USP32: variants seen among roughly 807,000 people sequenced by gnomAD.
USP32 encodes ubiquitin specific peptidase 32.
A neutral mutation model predicts 204.8 loss-of-function variants in USP32; 59 were observed. That is an observed-to-expected ratio of 0.29 (90% CI 0.23 to 0.36). The LOEUF (loss-of-function observed/expected upper bound fraction) is 0.36. Among genes scored for constraint, USP32 ranks in the 10% least tolerant of loss-of-function variants. The pLI is 1.00. For missense variants in USP32, 1,160 were observed against 1,946.4 expected (o/e 0.60, Z 7.60); for synonymous variants, 517 against 678.4 (o/e 0.76, Z 3.70).
At chr17:60,229,081 A>T (rs2085476205) in intron 12 of USP32, among the ~76,000 whole-genome samples, 1 of 151,950 alleles carries the variant, frequency 6.6e-6, no homozygotes, top group African/African-American at 2.4e-5. Flanking sequence ...AGTATAGCAA[A>T]GGCTCTTTTT....
rs1253112448 is a variant in USP32, at chr17:60,249,380, C to T, written c.1136+3001G>A. 3 of 228,034 alleles carry T rather than the reference C, an allele frequency of 1.3e-5. No homozygotes were observed. The East Asian group carries it at 3.3e-4, about 25-fold the overall frequency. The allele number at this position is 228,034 out of a possible 1,614,324, so 14.1% of individuals were successfully genotyped here. On this transcript the variant is annotated intron_variant, in intron 11 of 33. Coordinates refer to ENST00000300896, the MANE Select transcript of USP32 (RefSeq NM_032582.4). ...CCTTGTACAAGCAGTCTACAGATCA[C>T]TGGGGACATGAGAAAGCTTGCTAAG...
intron 5 of USP32, among the ~76,000 whole-genome samples, chr17:60,288,139 A>C (rs2087169502): frequency 6.9e-6 from 1 of 145,142 alleles, no homozygotes; most frequent in South Asian, 2.1e-4. Context: ...AAAAAAAAAA[A>C]AGTCTTGGCT....
At chr17:60,388,384 G>T (rs1377140275) in intron 1 of USP32, among the ~76,000 whole-genome samples, 1 of 151,246 alleles carries the variant, frequency 6.6e-6, no homozygotes, top group African/African-American at 2.4e-5. Context: ...AGATAAGACA[G>T]AAGAATTAAA....
intron 2 of USP32, among the ~76,000 whole-genome samples, chr17:60,304,140 CAA>C (rs2087661547): frequency 6.6e-6 from 1 of 151,228 alleles, no homozygotes; most frequent in African/African-American, 2.4e-5. Flanking sequence ...TTCTCAAAAC[CAA>C]AGATAAAAAG....
At chr17:60,375,729 C>T (rs2146100217) in intron 1 of USP32, among the ~76,000 whole-genome samples, 1 of 152,000 alleles carries the variant, frequency 6.6e-6, no homozygotes, top group Non-Finnish European at 1.5e-5. Context: ...TCAGTCTCCC[C>T]AAGTAGCTGG....
chr17:60,253,948 T>C (rs999365608), intron 10 of USP32, among the ~76,000 whole-genome samples: 1 of 152,178 alleles, frequency 6.6e-6, no homozygotes, highest in African/African-American at 2.4e-5. Context: ...TACAGGCCTA[T>C]CAGATTATAT....
chr17:60,276,661 T>C (rs923181628), intron 5 of USP32, among the ~76,000 whole-genome samples: 3 of 152,148 alleles, frequency 2.0e-5, no homozygotes, highest in Admixed American at 2.0e-4. Flanking sequence ...ATACAGTAAA[T>C]TGAAACACAG....
intron 1 of USP32, among the ~76,000 whole-genome samples, chr17:60,363,316 G>T (rs941014162): frequency 6.6e-6 from 1 of 151,448 alleles, no homozygotes; most frequent in Non-Finnish European, 1.5e-5. Flanking sequence ...TTAGCTGGGC[G>T]TAGCGGCGTG....
At chr17:60,294,078 C>G (rs969896106) in intron 4 of USP32, among the ~76,000 whole-genome samples, 1 of 152,092 alleles carries the variant, frequency 6.6e-6, no homozygotes, top group African/African-American at 2.4e-5. Context: ...TGACTTTCCC[C>G]ACCCTCTGGT....
At chr17:60,247,623 G>C (rs1173652541) in intron 11 of USP32, among the ~76,000 whole-genome samples, 1 of 151,494 alleles carries the variant, frequency 6.6e-6, no homozygotes, top group African/African-American at 2.4e-5. Flanking sequence ...TGGCATCTTT[G>C]TCAAAAAAGA....
intron 1 of USP32, among the ~76,000 whole-genome samples, chr17:60,366,995 G>A (rs2089329360): frequency 6.6e-6 from 1 of 151,888 alleles, no homozygotes; most frequent in Non-Finnish European, 1.5e-5. Flanking sequence ...AGCTAATTTT[G>A]TTTTTATAGT....
rs182386056 is a variant in USP32, at chr17:60,243,166, A to G, written c.1137-6926T>C. Among the ~76,000 whole-genome samples, 358 of 152,210 alleles carry G rather than the reference A, an allele frequency of 2.4e-3. 2 individuals are homozygous for G. Among genetic ancestry groups the G allele is most frequent in the Middle Eastern group, 0.01 (3 of 294 alleles). ...TTTAATTGTACTTTCAAATTATTCT[A>G]TCTAGTACATGACAATTCAATTGAT... On this transcript the variant is annotated intron_variant, in intron 11 of 33. Transcript: ENST00000300896.
intron 12 of USP32, among the ~76,000 whole-genome samples, chr17:60,230,816 C>A (rs935833307): frequency 3.9e-5 from 6 of 152,214 alleles, no homozygotes; most frequent in African/African-American, 1.4e-4. Context: ...CTTATTACCA[C>A]TTTCCTTCTA....
At chr17:60,222,677 ATT>A (rs373799936) in intron 14 of USP32, 128 bp from the exon 15 acceptor site, 17,036 of 463,362 alleles carry the variant, frequency 0.037, no homozygotes, top group South Asian at 0.055. Context: ...GAAAAACTTA[ATT>A]TTTTTTTTTT....
At chr17:60,359,512 G>GAA (rs777487783) in intron 1 of USP32, among the ~76,000 whole-genome samples, 128 of 152,262 alleles carry the variant, frequency 8.4e-4, no homozygotes, top group Non-Finnish European at 8.1e-4. Flanking sequence ...TAAGAACTCA[G>GAA]AAAAAATGTT....
chr17:60,399,198 C>T (rs893627566), intron 1 of USP32, among the ~76,000 whole-genome samples: 1 of 152,004 alleles, frequency 6.6e-6, no homozygotes, highest in Admixed American at 6.6e-5. Flanking sequence ...TTGTTCTAGG[C>T]GCTGAAGATA....
At chr17:60,312,972 G>C (rs977458219) in intron 2 of USP32, among the ~76,000 whole-genome samples, 4 of 152,114 alleles carry the variant, frequency 2.6e-5, no homozygotes, top group African/African-American at 9.7e-5. Context: ...GGCTGGGCAC[G>C]GTGGCTCATG....
chr17:60,410,678 T>G (rs57692677), intron 1 of USP32, among the ~76,000 whole-genome samples: 3,474 of 151,480 alleles, frequency 0.023, 147 homozygotes, highest in African/African-American at 0.077. Context: ...AAAAAATAAA[T>G]AAAGAAAGAA....
At chr17:60,215,872 G>T (rs1257958984) in intron 16 of USP32, among the ~76,000 whole-genome samples, 1 of 151,998 alleles carries the variant, frequency 6.6e-6, no homozygotes, top group Non-Finnish European at 1.5e-5. Context: ...TCGCACTTTA[G>T]CTTCCCAAGT....
Sources: allele counts gnomAD v4.1 joint callset (sites outside exome capture counted in the v4.1 genomes callset), GRCh38; gene constraint gnomAD v4.1.1; transcripts MANE v1.5; gene names NCBI Gene and HGNC (gene_info 2026-07-23, HGNC 2026-07-21).